PADI3: variants seen among roughly 807,000 people sequenced by gnomAD.
The protein encoded by PADI3 is protein-arginine deiminase type-3.
A neutral mutation model predicts 71.5 loss-of-function variants in PADI3; 53 were observed. That is an observed-to-expected ratio of 0.74 (90% CI 0.59 to 0.93). The LOEUF (loss-of-function observed/expected upper bound fraction) is 0.93. Among genes scored for constraint, PADI3 ranks in the 40% least tolerant of loss-of-function variants. The pLI is 0.00. For synonymous variants in PADI3, 361 were observed against 347.5 expected, an observed-to-expected ratio of 1.04 and a Z score of -0.43; for missense variants, 821 against 868.0, an observed-to-expected ratio of 0.95 and a Z score of 0.68.
intron 11 of PADI3, among the ~76,000 whole-genome samples, chr1:17,275,436 CAAAAAAAAA>C (rs10617336): frequency 4.5e-5 from 4 of 89,482 alleles, no homozygotes; most frequent in Admixed American, 1.6e-4. Flanking sequence ...GACTCCGTCT[CAAAAAAAAA>C]AAAAAAAAAA....
In PADI3 at chr1:17,271,530, G is replaced by A. The variant is rs1407371485; in HGVS notation, c.1047+352G>A. 3.9e-5 allele frequency among the ~76,000 whole-genome samples: 6 copies of A among 152,112 alleles called. No individual in the cohort carries two copies. The South Asian group carries it at 1.2e-3, about 32-fold the overall frequency. ...GTTTTGCAGTATCTGCAGACAGTGC[G>A]CAGGACAAGCCCCCACAATAACATA... On this transcript the variant is annotated intron_variant, in intron 9 of 15. Coordinates refer to ENST00000375460, the MANE Select transcript of PADI3 (RefSeq NM_016233.2).
chr1:17,262,835 C>T lies in PADI3; in HGVS notation c.346+630C>T, dbSNP rs372173017. 6.6e-5 allele frequency among the ~76,000 whole-genome samples: 10 copies of T among 152,304 alleles called. No individual in the cohort carries two copies. In the East Asian group the frequency reaches 1.7e-3, roughly 26 times the overall value. ...AAAACAAACAAATGAAAAAACATAA[C>T]AGATCTAAGAGCTCTGTGACAGTAT... On this transcript the variant is annotated intron_variant, in intron 3 of 15. Coordinates refer to ENST00000375460, the MANE Select transcript of PADI3 (RefSeq NM_016233.2).
chr1:17,271,287 G>A (rs747557126), intron 9 of PADI3, 109 bp downstream of exon 9: 2 of 893,852 alleles, frequency 2.2e-6, no homozygotes, highest in Non-Finnish European at 3.4e-6. Context: ...GCTCCCCAGG[G>A]AACTTGCTGC....
At chr1:17,268,865 T>C (rs1474950464) in intron 6 of PADI3, among the ~76,000 whole-genome samples, 2 of 150,754 alleles carry the variant, frequency 1.3e-5, no homozygotes, top group African/African-American at 2.4e-5. Flanking sequence ...CTGAGAGTTC[T>C]CTACCCGTCT....
At chr1:17,256,330 A>G (rs951802320) in intron 1 of PADI3, among the ~76,000 whole-genome samples, 1 of 152,186 alleles carries the variant, frequency 6.6e-6, no homozygotes, top group Admixed American at 6.5e-5. Flanking sequence ...GCCCAGAGAG[A>G]CTAAGTGATT....
At chr1:17,266,625 G>C in intron 4 of PADI3, 94 bp from the exon 5 acceptor site, 1 of 952,410 alleles carries the variant, frequency 1.0e-6, no homozygotes, top group Non-Finnish European at 1.7e-6. Flanking sequence ...AGCCTCACAG[G>C]GTTGGGTGGT....
intron 2 of PADI3, among the ~76,000 whole-genome samples, chr1:17,261,923 G>A (rs537888104): frequency 2.0e-5 from 3 of 152,328 alleles, no homozygotes; most frequent in Admixed American, 6.5e-5. Flanking sequence ...GAGGGACTGG[G>A]ACCCAAGTCT....
chr1:17,265,776 G>T (rs2073160615), intron 4 of PADI3, 56 bp downstream of exon 4: 1 of 1,527,332 alleles, frequency 6.5e-7, no homozygotes, highest in Non-Finnish European at 9.1e-7. Context: ...CTTGCTCTAG[G>T]TTGGGTTAAG....
At position 17,282,976 on chromosome 1, in the gene PADI3, T is replaced by C. The variant is rs765768394; in HGVS notation, c.1892T>C (p.Ile631Thr). ...LEPLGLHCTF[I>T]DDFTPYHMLH... The stretch of plus-strand genomic sequence containing the variant: ...CCGCTGGGCCTCCACTGCACCTTCA[T>C]TGATGACTTCACTCCATACCACATG... Residue 631 changes from isoleucine to threonine, a missense_variant, in exon 16 of 16, where the codon ATT becomes ACT. Physicochemically the swap from Ile to Thr is moderately conservative, Grantham distance 89 (BLOSUM62 -1). Transcript: ENST00000375460. 4.8e-5 allele frequency: 77 copies of C among 1,614,204 alleles called. No homozygotes were observed. Among genetic ancestry groups the C allele is most frequent in the Non-Finnish European group, 6.4e-5 (76 of 1,180,016 alleles).
chr1:17,271,022 G>A lies in PADI3; in HGVS notation c.935+40G>A. On this transcript the variant is annotated intron_variant, in intron 8 of 15. Transcript: ENST00000375460. Reference sequence around the variant, plus strand: ...AGTGGGTGGTCCCTCTGGCCCCCAGGCCCCGGCTCCATCCTGAGCCCCTCT... The same window carrying A: ...AGTGGGTGGTCCCTCTGGCCCCCAGACCCCGGCTCCATCCTGAGCCCCTCT... 6 of 1,613,060 alleles carry A rather than the reference G, an allele frequency of 3.7e-6. No individual in the cohort carries two copies. In the Admixed American group the frequency reaches 5.0e-5, roughly 13 times the overall value.
intron 4 of PADI3, 109 bp from the exon 5 acceptor site, chr1:17,266,610 G>T (rs1334092780): frequency 2.4e-6 from 2 of 836,708 alleles, no homozygotes; most frequent in Non-Finnish European, 4.1e-6. Context: ...CGAGAACGTG[G>T]ACCTAGCCTC....
Position 17,268,498 on chromosome 1 carries a change from C to CTT in PADI3, c.652+562_652+563dup, listed in dbSNP as rs564947321. On this transcript the variant is annotated intron_variant, in intron 6 of 15. Transcript: ENST00000375460. ...AAAAATGTATACAAGTAATAAGATG[C>CTT]TTTTTTTTTTTTTTTTTTTTTTTTT... 8.6e-3 allele frequency among the ~76,000 whole-genome samples: 767 copies of CTT among 89,406 alleles called. 112 individuals carry two copies. The highest frequency in any genetic ancestry group is 0.023 in the African/African-American group (497 of 21,222). 58.7% of individuals were successfully genotyped at this position (89,406 alleles called of 152,430 possible).
chr1:17,280,911 G>A, intron 15 of PADI3, 115 bp downstream of exon 15: 3 of 1,340,594 alleles, frequency 2.2e-6, no homozygotes, highest in Non-Finnish European at 3.1e-6. Context: ...AGTGGGGGTG[G>A]CAGGGAGAAT....
intron 3 of PADI3, among the ~76,000 whole-genome samples, chr1:17,263,248 G>T (rs1160425981): frequency 6.6e-6 from 1 of 152,154 alleles, no homozygotes; most frequent in Non-Finnish European, 1.5e-5. Context: ...TTACAGAGCT[G>T]ATCCTAAAAT....
rs139780902 is a variant in PADI3, at chr1:17,267,933, C to T, written c.623C>T (p.Ala208Val). ...GTCCTCCATACCTCCAGCTATGATG[C>T]CAAACGGGCACAGGTCTTCCACATC... ...KLVLHTSSYD[A>V]KRAQVFHICG... Residue 208 changes from alanine (A) to valine (V), a missense_variant, in exon 6 of 16, where the codon GCC becomes GTC. Ala to Val is a moderately conservative substitution (Grantham distance 64). Transcript: ENST00000375460. 24 of 1,614,184 alleles carry T rather than the reference C, an allele frequency of 1.5e-5. No homozygotes were observed. The highest frequency in any genetic ancestry group is 1.9e-5 in the Non-Finnish European group (23 of 1,180,040).
intron 7 of PADI3, 74 bp downstream of exon 7, chr1:17,270,485 C>CAAAAAA: frequency 9.8e-7 from 1 of 1,019,990 alleles, no homozygotes; most frequent in African/African-American, 1.8e-5. Flanking sequence ...CCCATCTCTA[C>CAAAAAA]AAAAAAAAAA....
intron 9 of PADI3, among the ~76,000 whole-genome samples, chr1:17,272,119 T>C (rs1557509721): frequency 6.6e-6 from 1 of 152,126 alleles, no homozygotes. Flanking sequence ...TCAGGAGCTC[T>C]TAGGGGAGCA....
chr1:17,249,251 GT>G, intron 1 of PADI3, 22 bp downstream of exon 1: 1 of 1,582,954 alleles, frequency 6.3e-7, no homozygotes, highest in Non-Finnish European at 8.7e-7. Context: ...AGGCCTAGTG[GT>G]TTGCAGGCCC....
chr1:17,253,602 A>G (rs1345557752), intron 1 of PADI3, among the ~76,000 whole-genome samples: 2 of 152,158 alleles, frequency 1.3e-5, no homozygotes, highest in East Asian at 3.9e-4. Flanking sequence ...GGATCCATAA[A>G]AAAATTGATG....
Sources: gnomAD v4.1 joint callset for allele counts (sites outside exome capture counted in the v4.1 genomes callset) on GRCh38, gnomAD v4.1.1 for gene constraint, MANE v1.5 for transcripts, NCBI Gene and HGNC (gene_info 2026-07-23, HGNC 2026-07-21) for gene names.